The following DCC variants were observed in gnomAD, a reference collection of about 807,000 sequenced individuals.
DCC encodes the protein DCC netrin 1 receptor.
Under a neutral mutation model 172.5 loss-of-function variants are expected in DCC, and 58 were observed. That is an observed-to-expected ratio of 0.34 (90% CI 0.27 to 0.42). DCC has a LOEUF of 0.42. DCC is among the 10% of genes least tolerant of loss of function. The probability of loss-of-function intolerance (pLI) is 1.00; values close to 1 mark genes in which losing one functional copy is unlikely to be tolerated. For missense variants in DCC, 1,740 were observed against 1,791.0 expected (o/e 0.97, Z 0.51); for synonymous variants, 709 against 644.5 (o/e 1.10, Z -1.52).
intron 1 of DCC, among the ~76,000 whole-genome samples, chr18:52,446,899 C>A (rs1337305206): frequency 6.6e-6 from 1 of 152,184 alleles, no homozygotes; most frequent in Non-Finnish European, 1.5e-5. Flanking sequence ...CGGCATAATG[C>A]CCAGAGAGAC....
chr18:53,532,350 T>C lies in DCC; in HGVS notation c.*1697T>C, dbSNP rs1196692976. 3 of 152,156 alleles carry C rather than the reference T, an allele frequency of 2.0e-5. No individual in the cohort carries two copies. Among genetic ancestry groups the C allele is most frequent in the African/African-American group, 7.2e-5 (3 of 41,444 alleles). The allele number at this position is 152,156 out of a possible 1,614,324, so 9.4% of individuals were successfully genotyped here. On this transcript the variant is annotated 3_prime_UTR_variant, in exon 29 of 29. Transcript: ENST00000442544. The stretch of plus-strand genomic sequence containing the variant: ...TTACAGTTTTATGTCGGGAAGGAAA[T>C]CTGATGTCAAAGAGAGGGCTGTTCA...
chr18:52,475,740 G>T (rs189478532), intron 1 of DCC, among the ~76,000 whole-genome samples: 13 of 152,214 alleles, frequency 8.5e-5, no homozygotes, highest in Non-Finnish European at 1.3e-4. Context: ...TTAAGGACAG[G>T]CATGAAGAAC....
intron 3 of DCC, among the ~76,000 whole-genome samples, chr18:52,908,616 AAGACAC>A (rs757581499): frequency 1.2e-3 from 188 of 152,266 alleles, no homozygotes; most frequent in South Asian, 7.9e-3. Context: ...GCAGTTTTAA[AAGACAC>A]AGAGACATTA....
chr18:52,872,753 A>G (rs2039341964), intron 2 of DCC, among the ~76,000 whole-genome samples: 1 of 152,170 alleles, frequency 6.6e-6, no homozygotes, highest in Non-Finnish European at 1.5e-5. Context: ...AACAATATTC[A>G]TGCACTGATC....
chr18:52,638,774 C>T (rs1213065170), intron 1 of DCC, among the ~76,000 whole-genome samples: 1 of 152,054 alleles, frequency 6.6e-6, no homozygotes, highest in Admixed American at 6.5e-5. Context: ...TTCAATACTC[C>T]ACCAACTGCA....
chr18:53,084,056 T>C (rs1022346125), intron 7 of DCC, among the ~76,000 whole-genome samples: 1 of 152,158 alleles, frequency 6.6e-6, no homozygotes, highest in Admixed American at 6.6e-5. Flanking sequence ...AACTGGGTAA[T>C]TTATTTTTAA....
intron 2 of DCC, among the ~76,000 whole-genome samples, chr18:52,760,600 A>C (rs983772805): frequency 2.6e-5 from 4 of 152,232 alleles, no homozygotes; most frequent in African/African-American, 9.6e-5. Flanking sequence ...ATTACATTAG[A>C]TAGCACAGTT....
At chr18:53,499,627 T>TG (rs2046072132) in intron 27 of DCC, 117 bp downstream of exon 27, 1 of 857,302 alleles carries the variant, frequency 1.2e-6, no homozygotes. Context: ...GCTGATTACA[T>TG]GCCCAGTGTG....
chr18:52,416,962 T>C (rs1187942829), intron 1 of DCC, among the ~76,000 whole-genome samples: 1 of 152,170 alleles, frequency 6.6e-6, no homozygotes, highest in African/African-American at 2.4e-5. Context: ...AGTTTCTTCC[T>C]AGCCTCGATG....
intron 2 of DCC, among the ~76,000 whole-genome samples, chr18:52,899,874 T>A (rs1284852887): frequency 6.6e-6 from 1 of 152,186 alleles, no homozygotes; most frequent in Non-Finnish European, 1.5e-5. Flanking sequence ...TCTGAAACAT[T>A]TGCTTAAACT....
At chr18:52,496,823 G>T (rs566120809) in intron 1 of DCC, among the ~76,000 whole-genome samples, 30 of 151,980 alleles carry the variant, frequency 2.0e-4, no homozygotes, top group African/African-American at 7.0e-4. Context: ...TTTACTTTTA[G>T]ATGTTTTATT....
intron 24 of DCC, among the ~76,000 whole-genome samples, chr18:53,466,294 G>T (rs915468355): frequency 3.9e-5 from 6 of 151,944 alleles, no homozygotes; most frequent in Non-Finnish European, 8.8e-5. Context: ...TTACCATTAG[G>T]GTGCACTTCT....
intron 12 of DCC, 97 bp from the exon 13 acceptor site, chr18:53,305,480 CT>C: frequency 1.0e-6 from 1 of 994,928 alleles, no homozygotes; most frequent in East Asian, 2.4e-5. Flanking sequence ...CTTCTTGCTT[CT>C]CTGCTTTCTT....
chr18:53,464,979 C>CAAAAAAAA (rs71179510), intron 24 of DCC, among the ~76,000 whole-genome samples: 3 of 54,762 alleles, frequency 5.5e-5, no homozygotes, highest in African/African-American at 5.9e-5. Flanking sequence ...AACTCAATCT[C>CAAAAAAAA]AAAAAAAAAA....
At chr18:53,023,417 A>C (rs1313279158) in intron 5 of DCC, among the ~76,000 whole-genome samples, 20 of 148,040 alleles carry the variant, frequency 1.4e-4, no homozygotes, top group African/African-American at 3.7e-4. Flanking sequence ...AAAAAAAAAA[A>C]AAAAAAAAAA....
At chr18:53,180,370 G>A (rs751998615) in intron 9 of DCC, among the ~76,000 whole-genome samples, 2 of 152,190 alleles carry the variant, frequency 1.3e-5, no homozygotes, top group South Asian at 2.1e-4. Context: ...GTCATGTTGA[G>A]GTTCCAGACA....
chr18:52,664,902 T>C (rs2035436734), intron 1 of DCC, among the ~76,000 whole-genome samples: 1 of 152,176 alleles, frequency 6.6e-6, no homozygotes, highest in Non-Finnish European at 1.5e-5. Context: ...TTGGGTGCTG[T>C]ATAAATGCCC....
intron 2 of DCC, among the ~76,000 whole-genome samples, chr18:52,854,552 A>C (rs1301439301): frequency 6.6e-6 from 1 of 152,222 alleles, no homozygotes; most frequent in Non-Finnish European, 1.5e-5. Context: ...AGTAAGTATC[A>C]AATCATTTAA....
chr18:52,705,040 C>T (rs1056438564), intron 1 of DCC, among the ~76,000 whole-genome samples: 3 of 152,188 alleles, frequency 2.0e-5, no homozygotes, highest in East Asian at 3.9e-4. Flanking sequence ...TCTACAGCTG[C>T]GTCTCTGGCA....
Sources: allele counts gnomAD v4.1 joint callset (sites outside exome capture counted in the v4.1 genomes callset), GRCh38; gene constraint gnomAD v4.1.1; transcripts MANE v1.5; gene names NCBI Gene and HGNC (gene_info 2026-07-23, HGNC 2026-07-21).